Variants in HCN2 observed in about 807,000 individuals in gnomAD.
HCN2 encodes potassium/sodium hyperpolarization-activated cyclic nucleotide-gated channel 2.
A neutral mutation model predicts 52.3 loss-of-function variants in HCN2; 20 were observed. The ratio of observed to expected loss-of-function variants is 0.38; its 90% CI spans 0.27 to 0.56. HCN2 has a LOEUF of 0.56. Among genes scored for constraint, HCN2 ranks in the 20% least tolerant of loss-of-function variants. The probability of loss-of-function intolerance (pLI) is 0.71; values close to 1 mark genes in which losing one functional copy is unlikely to be tolerated. For missense variants in HCN2, 981 were observed against 1,207.7 expected, an observed-to-expected ratio of 0.81 and a Z score of 2.78; for synonymous variants, 694 against 537.0, an observed-to-expected ratio of 1.29 and a Z score of -4.04.
In HCN2 at chr19:616,554, C is replaced by T. The variant is rs1600544700; in HGVS notation, c.*80C>T. ...GACCAAAGCCATGCCATTGCGCTGC[C>T]CCGGCCGCCAGTCCGCCCAGAAGCC... On this transcript the variant is annotated 3_prime_UTR_variant, in exon 8 of 8. Transcript: ENST00000251287. The T allele has an allele frequency of 1.2e-6, 1 of 849,092 alleles. No individual in the cohort carries two copies. Among genetic ancestry groups the T allele is most frequent in the East Asian group, 5.2e-5 (1 of 19,158 alleles). The allele number at this position is 849,092 out of a possible 1,614,324, so 52.6% of individuals were successfully genotyped here.
intron 1 of HCN2, among the ~76,000 whole-genome samples, chr19:594,335 G>A (rs1233736064): frequency 5.9e-5 from 9 of 152,126 alleles, no homozygotes; most frequent in African/African-American, 4.8e-5. Context: ...AGAGGCTGGC[G>A]GCTTCCTGAC....
chr19:601,531 C>CATGGTT lies in HCN2; in HGVS notation c.633-2013_633-2012insATGGTT, dbSNP rs566549486. ...GCTGGTGTGAACACAGCGGAGTGGT[C>CATGGTT]GTCGTCCGCAGTCGAGCTGGTGTGA... is the stretch of plus-strand genomic sequence containing the variant. On this transcript the variant is annotated intron_variant, in intron 1 of 7. Transcript: ENST00000251287. 2.8e-3 allele frequency among the ~76,000 whole-genome samples: 423 copies of CATGGTT among 151,398 alleles called. 2 individuals are homozygous for CATGGTT. The highest frequency in any genetic ancestry group is 9.7e-3 in the African/African-American group (399 of 41,328).
intron 1 of HCN2, among the ~76,000 whole-genome samples, chr19:598,835 C>T (rs1485354013): frequency 2.0e-5 from 3 of 152,244 alleles, no homozygotes; most frequent in Non-Finnish European, 4.4e-5. Context: ...GTCTCGATCT[C>T]TTGACCTTGT....
At chr19:598,750 C>G (rs576994170) in intron 1 of HCN2, among the ~76,000 whole-genome samples, 2 of 152,310 alleles carry the variant, frequency 1.3e-5, no homozygotes, top group East Asian at 3.9e-4. Flanking sequence ...TACAGGCGCC[C>G]GCCACCTCAC....
At chr19:611,124 G>T (rs1983618249) in intron 5 of HCN2, among the ~76,000 whole-genome samples, 1 of 152,226 alleles carries the variant, frequency 6.6e-6, no homozygotes, top group South Asian at 2.1e-4. Flanking sequence ...ACTGGGCCAT[G>T]TCTGCAGAGA....
chr19:613,590 T>TGGGGATGGGGATGGGGCC (rs1365084595), intron 6 of HCN2, 102 bp downstream of exon 6: 2 of 55,798 alleles, frequency 3.6e-5, no homozygotes, highest in East Asian at 1.1e-3. Flanking sequence ...GGGATGGGGA[T>TGGGGATGGGGATGGGGCC]GGGGATGGGG....
rs191152359 is a variant in HCN2 at position 600,217 on chromosome 19, G to A, written c.633-3327G>A. 3.1e-3 allele frequency among the ~76,000 whole-genome samples: 471 copies of A among 152,228 alleles called. 3 individuals are homozygous for A. The highest frequency in any genetic ancestry group is 0.011 in the African/African-American group (448 of 41,548). ...AGACAGAGTCTCGCTCTGTTGCCCC[G>A]GCTGGAATGCAGTGGCACGATCTCG... is the stretch of plus-strand genomic sequence containing the variant. On this transcript the variant is annotated intron_variant, in intron 1 of 7. Transcript: ENST00000251287.
Position 590,168 on chromosome 19 carries a change from C to T in HCN2, c.223C>T (p.Leu75Phe). ...AADEGGPRGR[L>F]RSRDSSCGRP... Reference sequence around the variant, plus strand: ...GGATGAGGGCGGCCCGCGGGGCCGGCTCCGCAGCCGCGACAGCTCGTGCGG... The same window carrying T: ...GGATGAGGGCGGCCCGCGGGGCCGGTTCCGCAGCCGCGACAGCTCGTGCGG... Residue 75 changes from leucine to phenylalanine, a missense_variant, in exon 1 of 8, where the codon CTC becomes TTC. Physicochemically the swap from Leu to Phe is conservative, Grantham distance 22. Transcript: ENST00000251287. The surrounding 1 kb of genome is among the most constrained non-coding windows in gnomAD (Gnocchi z 7.2). 6 of 977,596 alleles carry T rather than the reference C, an allele frequency of 6.1e-6. No homozygotes were observed. Among genetic ancestry groups the T allele is most frequent in the Non-Finnish European group, 7.3e-6 (6 of 826,598 alleles). 60.6% of individuals were successfully genotyped at this position (977,596 alleles called of 1,614,324 possible).
chr19:612,427 T>TGTGTGTGTGTGTGTGTGA lies in HCN2; in HGVS notation c.1585-820_1585-819insTGTGTGTGTGTGTGTGAG. 2.8e-3 allele frequency among the ~76,000 whole-genome samples: 399 copies of TGTGTGTGTGTGTGTGTGA among 142,306 alleles called. 1 individual carries two copies. The highest frequency in any genetic ancestry group is 3.9e-3 in the African/African-American group (149 of 38,162). 93.4% of individuals were successfully genotyped at this position (142,306 alleles called of 152,430 possible). On this transcript the variant is annotated intron_variant, in intron 5 of 7. Coordinates refer to ENST00000251287, the MANE Select transcript of HCN2 (RefSeq NM_001194.4). ...GTGTGTGTGTGTGTGTGTGTGTGTG[T>TGTGTGTGTGTGTGTGTGA]GAGAGAGAGATGGAGTCTCGCTCTG...
At position 616,556 on chromosome 19, in the gene HCN2, C is replaced by A. The variant is rs954798485; in HGVS notation, c.*82C>A. On this transcript the variant is annotated 3_prime_UTR_variant, in exon 8 of 8. Transcript: ENST00000251287. ...CCAAAGCCATGCCATTGCGCTGCCC[C>A]GGCCGCCAGTCCGCCCAGAAGCCAT... 4 of 824,208 alleles carry A rather than the reference C, an allele frequency of 4.9e-6. No individual in the cohort carries two copies. Among genetic ancestry groups the A allele is most frequent in the East Asian group, 1.1e-4 (2 of 18,860 alleles). 51.1% of individuals were successfully genotyped at this position (824,208 alleles called of 1,614,324 possible). A position where few individuals can be genotyped will look rare whatever the true frequency, so the allele number is the denominator to read the frequency against.
chr19:610,135 G>A (rs149890143), intron 4 of HCN2, 124 bp from the exon 5 acceptor site: 6 of 1,174,012 alleles, frequency 5.1e-6, no homozygotes, highest in Non-Finnish European at 7.4e-6. Flanking sequence ...AGGTGCCCGT[G>A]TGCCCGCTGC....
chr19:605,061 A>C lies in HCN2; in HGVS notation c.1057A>C (p.Ile353Leu). ...GTGGGCTCACGGCGCCTTCCTGCAG[A>C]TCTTCCACATGACCTATGACCTGGC... ...LIRYIHQWEE[I>L]FHMTYDLASA... The change falls in exon 3 of 8, where the codon ATC (isoleucine) becomes CTC (leucine). Residue 353 changes from isoleucine to leucine, a missense_variant and splice_region_variant. This residue lies in a region of HCN2 where 282 missense variants were observed against 553.8 expected (regional missense o/e 0.51). Coordinates refer to ENST00000251287, the MANE Select transcript of HCN2 (RefSeq NM_001194.4). 1.2e-6 allele frequency: 2 copies of C among 1,608,518 alleles called. No homozygotes were observed. Among genetic ancestry groups the C allele is most frequent in the Non-Finnish European group, 1.7e-6 (2 of 1,177,186 alleles).
At chr19:594,763 C>T (rs894525188) in intron 1 of HCN2, among the ~76,000 whole-genome samples, 3 of 152,116 alleles carry the variant, frequency 2.0e-5, no homozygotes, top group Non-Finnish European at 4.4e-5. Context: ...GAAGGCCCAG[C>T]GTGTGCAGGA....
chr19:593,428 C>T (rs11881729), intron 1 of HCN2, among the ~76,000 whole-genome samples: 47,974 of 151,820 alleles, frequency 0.32, 9,428 homozygotes, highest in African/African-American at 0.56. Context: ...AGCAGCCTGG[C>T]CAACATGGTG....
Position 616,600 on chromosome 19 carries a change from C to T in HCN2, c.*126C>T. On this transcript the variant is annotated 3_prime_UTR_variant, in exon 8 of 8. Coordinates refer to ENST00000251287, the MANE Select transcript of HCN2 (RefSeq NM_001194.4). The stretch of plus-strand genomic sequence containing the variant: ...AAGCCATAGACGAGACGTAGGTAGC[C>T]GTAGTTGGACGGACGGGCAGGGCCG... 7.8e-6 allele frequency: 4 copies of T among 510,884 alleles called. No individual in the cohort carries two copies. The highest frequency in any genetic ancestry group is 6.2e-5 in the East Asian group (1 of 16,250). The allele number at this position is 510,884 out of a possible 1,614,324, so 31.6% of individuals were successfully genotyped here.
chr19:604,858 G>GTGGGGGT, intron 2 of HCN2, among the ~76,000 whole-genome samples: 1 of 36,586 alleles, frequency 2.7e-5, no homozygotes, highest in African/African-American at 1.6e-4. Context: ...GTAGAGGTGG[G>GTGGGGGT]CGGGGTCCTG....
Position 594,861 on chromosome 19 carries a change from G to T in HCN2, c.632+4284G>T, listed in dbSNP as rs1017016897. Among the ~76,000 whole-genome samples the T allele has an allele frequency of 7.2e-5, 11 of 152,184 alleles. No individual in the cohort carries two copies. In the East Asian group the frequency reaches 2.1e-3, roughly 29 times the overall value. ...GGGGTCAGGGGTCGGGGTGGCCAAG[G>T]CCTCCCCGCTCTCTTCAGGGCCTTC... is the stretch of plus-strand genomic sequence containing the variant. On this transcript the variant is annotated intron_variant, in intron 1 of 7. Transcript: ENST00000251287.
rs200708709 is a variant in HCN2, at chr19:603,817, C to T, written c.906C>T (p.Asp302=). The T allele has an allele frequency of 6.8e-6, 11 of 1,612,792 alleles. No homozygotes were observed. Among genetic ancestry groups the T allele is most frequent in the Non-Finnish European group, 9.3e-6 (11 of 1,179,860 alleles). ...VVDFVSSIPV[D]YIFLIVEKGI... Reference sequence around the variant, plus strand: ...ACTTCGTGTCCTCCATCCCCGTGGACTACATCTTCCTTATCGTGGAGAAGG... The same window carrying T: ...ACTTCGTGTCCTCCATCCCCGTGGATTACATCTTCCTTATCGTGGAGAAGG... The change falls in exon 2 of 8, where the codon GAC becomes GAT. Residue 302 remains aspartate, a synonymous_variant. Transcript: ENST00000251287.
intron 2 of HCN2, among the ~76,000 whole-genome samples, chr19:604,805 A>G (rs565407598): frequency 6.7e-5 from 3 of 44,478 alleles, no homozygotes; most frequent in African/African-American, 2.3e-4. Context: ...GGGGTGTCCT[A>G]GGGCGGGGGC....
Sources: gnomAD v4.1 joint callset for allele counts (sites outside exome capture counted in the v4.1 genomes callset) on GRCh38, gnomAD v4.1.1 for gene constraint, gnomAD v4.1.1 regional missense constraint, Gnocchi (gnomAD v3.1) non-coding constraint, MANE v1.5 for transcripts, NCBI Gene and HGNC (gene_info 2026-07-23, HGNC 2026-07-21) for gene names.